The following SREBF2 variants were observed in gnomAD, a reference collection of about 807,000 sequenced individuals.
SREBF2 encodes sterol regulatory element-binding protein 2.
Under a neutral mutation model 113.1 loss-of-function variants are expected in SREBF2, and 55 were observed. That is an observed-to-expected ratio of 0.49 (90% CI 0.39 to 0.61). The LOEUF is 0.61. SREBF2 is among the 20% of genes least tolerant of loss of function. The pLI, the probability that SREBF2 is intolerant of heterozygous loss-of-function variation, is 0.00. For synonymous variants in SREBF2, 593 were observed against 605.7 expected, an observed-to-expected ratio of 0.98 and a Z score of 0.31; for missense variants, 1,349 against 1,487.4, an observed-to-expected ratio of 0.91 and a Z score of 1.53.
chr22:41,873,079 C>A (rs900321989), intron 4 of SREBF2, among the ~76,000 whole-genome samples: 1 of 152,112 alleles, frequency 6.6e-6, no homozygotes, highest in African/African-American at 2.4e-5. Context: ...TGCCTGTAAT[C>A]CAAGCTACTC....
intron 16 of SREBF2, among the ~76,000 whole-genome samples, chr22:41,902,152 G>C (rs1268684884): frequency 6.6e-6 from 1 of 152,220 alleles, no homozygotes; most frequent in African/African-American, 2.4e-5. Context: ...TGGGTGAGAT[G>C]AGGCTCAGCC....
intron 9 of SREBF2, chr22:41,878,816 C>A: frequency 8.9e-7 from 1 of 1,123,630 alleles, no homozygotes; most frequent in Non-Finnish European, 1.2e-6. Context: ...TAGTGAGAAT[C>A]TGATTGGCCA....
At chr22:41,890,122 G>C (rs1350769652) in intron 11 of SREBF2, among the ~76,000 whole-genome samples, 1 of 152,094 alleles carries the variant, frequency 6.6e-6, no homozygotes, top group Non-Finnish European at 1.5e-5. Flanking sequence ...TGTTGCCCAG[G>C]CTGGAGTGGA....
In SREBF2 at chr22:41,867,298, AT is replaced by A; in HGVS notation, c.538+19del. ...CTTTCAAGGTGATTCAGAAGTTAGA[AT>A]GGTAGTGGTTGGTTGGTTCCAATGT... On this transcript the variant is annotated intron_variant, in intron 2 of 18. Coordinates refer to ENST00000361204, the MANE Select transcript of SREBF2 (RefSeq NM_004599.4). 8 of 1,613,694 alleles carry A rather than the reference AT, an allele frequency of 5.0e-6. No homozygotes were observed. The highest frequency in any genetic ancestry group is 6.8e-6 in the Non-Finnish European group (8 of 1,179,718).
At chr22:41,864,035 C>G (rs901824150) in intron 1 of SREBF2, among the ~76,000 whole-genome samples, 1 of 150,580 alleles carries the variant, frequency 6.6e-6, no homozygotes, top group Non-Finnish European at 1.5e-5. Context: ...CAGGCACCCA[C>G]CACCATGCCT....
chr22:41,843,207 A>G (rs754302133), intron 1 of SREBF2, among the ~76,000 whole-genome samples: 102 of 152,344 alleles, frequency 6.7e-4, no homozygotes, highest in Non-Finnish European at 1.3e-3. Context: ...ATGTTCTCTA[A>G]GTGAACGTGA....
chr22:41,838,514 C>T (rs1053798240), intron 1 of SREBF2, among the ~76,000 whole-genome samples: 20 of 152,212 alleles, frequency 1.3e-4, no homozygotes, highest in Non-Finnish European at 1.5e-4. Flanking sequence ...GGGTGGATCA[C>T]CCGAGGTCAG....
intron 8 of SREBF2, 132 bp from the exon 9 acceptor site, chr22:41,877,810 A>G (rs1414330943): frequency 1.4e-5 from 14 of 971,142 alleles, no homozygotes; most frequent in Non-Finnish European, 2.1e-5. Flanking sequence ...TGTTTAGATT[A>G]TAGAATTATT....
At chr22:41,850,716 T>A in intron 1 of SREBF2, among the ~76,000 whole-genome samples, 1 of 152,066 alleles carries the variant, frequency 6.6e-6, no homozygotes, top group East Asian at 1.9e-4. Flanking sequence ...ATTATCTAAT[T>A]TCTTTGAATC....
chr22:41,834,457 G>A (rs1323474731), intron 1 of SREBF2: 1 of 152,662 alleles, frequency 6.6e-6, no homozygotes, highest in Non-Finnish European at 1.5e-5. Flanking sequence ...GAGAGCTTAG[G>A]CAGAAACACA....
At chr22:41,897,284 C>G in intron 14 of SREBF2, 123 bp downstream of exon 14, 1 of 619,622 alleles carries the variant, frequency 1.6e-6, no homozygotes, top group Non-Finnish European at 2.8e-6. Context: ...ATCCCAGGTT[C>G]ATACCTGTGG....
Position 41,875,450 on chromosome 22 carries a change from CAGTA to C in SREBF2, c.1204+3_1204+6del, listed in dbSNP as rs1352067286. ...TGCTGAAGCTGGCAAATCAAAAGAACAGTAAGTGTGCTGAGAAAAGGCTTGTCAG... is the reference window on the plus strand; with the variant it reads ...TGCTGAAGCTGGCAAATCAAAAGAACAGTGTGCTGAGAAAAGGCTTGTCAG... On this transcript the variant is annotated splice_donor_variant and splice_donor_region_variant and coding_sequence_variant and intron_variant, in exon 6 of 19. Coordinates refer to ENST00000361204, the MANE Select transcript of SREBF2 (RefSeq NM_004599.4). LOFTEE classifies it high-confidence loss of function. 6.2e-7 allele frequency: 1 copy of C among 1,614,210 alleles called. No homozygotes were observed. The highest frequency in any genetic ancestry group is 1.1e-5 in the South Asian group (1 of 91,086).
At chr22:41,904,830 G>A in intron 17 of SREBF2, 33 bp from the exon 18 acceptor site, 1 of 1,515,190 alleles carries the variant, frequency 6.6e-7, no homozygotes, top group Non-Finnish European at 9.0e-7. Flanking sequence ...GGGGACCAGG[G>A]GTGTGATGGA....
intron 11 of SREBF2, 23 bp downstream of exon 11, chr22:41,885,034 C>T: frequency 3.7e-6 from 6 of 1,613,362 alleles, no homozygotes; most frequent in African/African-American, 1.3e-5. Flanking sequence ...CGGTTCCCTT[C>T]TGTAAACCTC....
At chr22:41,859,877 C>G (rs2077010618) in intron 1 of SREBF2, among the ~76,000 whole-genome samples, 1 of 127,414 alleles carries the variant, frequency 7.8e-6, no homozygotes, top group Admixed American at 9.6e-5. Flanking sequence ...GTGGCGCAAT[C>G]TCGGTGCAAG....
At chr22:41,841,599 C>G (rs955181219) in intron 1 of SREBF2, among the ~76,000 whole-genome samples, 1 of 152,174 alleles carries the variant, frequency 6.6e-6, no homozygotes, top group African/African-American at 2.4e-5. Context: ...ATGTAGCTCT[C>G]ATATTCAGTT....
intron 11 of SREBF2, among the ~76,000 whole-genome samples, chr22:41,891,688 G>A (rs972807444): frequency 1.3e-5 from 2 of 152,202 alleles, no homozygotes; most frequent in East Asian, 1.9e-4. Context: ...CTGTGGGGGC[G>A]AGGGCTGGGG....
Position 41,856,212 on chromosome 22 carries a change from C to T in SREBF2, c.89-10619C>T, listed in dbSNP as rs532767333. 4.0e-5 allele frequency among the ~76,000 whole-genome samples: 6 copies of T among 151,830 alleles called. No individual in the cohort carries two copies. In the East Asian group the frequency reaches 1.2e-3, roughly 30 times the overall value. On this transcript the variant is annotated intron_variant, in intron 1 of 18. Transcript: ENST00000361204. ...CACAAACTCTGCTCACTGCAACCTT[C>T]ACCTCCCAGGCTTAAGCAATCCTCC...
At chr22:41,834,960 C>T (rs1031791949) in intron 1 of SREBF2, among the ~76,000 whole-genome samples, 7 of 152,004 alleles carry the variant, frequency 4.6e-5, no homozygotes, top group Non-Finnish European at 1.0e-4. Context: ...TTGTCATCTC[C>T]CTCTCACTGA....
Sources: allele counts gnomAD v4.1 joint callset (sites outside exome capture counted in the v4.1 genomes callset), GRCh38; gene constraint gnomAD v4.1.1; transcripts MANE v1.5; gene names NCBI Gene and HGNC (gene_info 2026-07-23, HGNC 2026-07-21).